Variants in ASCC3 observed in about 807,000 individuals in gnomAD.
The protein encoded by ASCC3 is activating signal cointegrator 1 complex subunit 3, also known as ASC-1 complex subunit P200.
A neutral mutation model predicts 256.3 loss-of-function variants in ASCC3; 158 were observed. That is an observed-to-expected ratio of 0.62 (90% CI 0.54 to 0.70). The LOEUF is 0.70. ASCC3 is among the 30% of genes least tolerant of loss of function. ASCC3 has a pLI of 0.00. For missense variants in ASCC3, 2,259 were observed against 2,626.0 expected (o/e 0.86, Z 3.05); for synonymous variants, 948 against 883.4 (o/e 1.07, Z -1.30).
chr6:100,608,109 T>TATATAC, intron 30 of ASCC3, among the ~76,000 whole-genome samples: 2 of 126,282 alleles, frequency 1.6e-5, no homozygotes, highest in East Asian at 4.5e-4. Flanking sequence ...CATATATATG[T>TATATAC]ATATATATCT....
At chr6:100,615,251 G>C (rs1248382518) in intron 30 of ASCC3, among the ~76,000 whole-genome samples, 1 of 152,068 alleles carries the variant, frequency 6.6e-6, no homozygotes, top group East Asian at 1.9e-4. Context: ...GGGATTACAG[G>C]CATGAGCCAC....
intron 14 of ASCC3, 110 bp from the exon 15 acceptor site, chr6:100,662,646 C>G (rs888065577): frequency 2.0e-6 from 2 of 986,116 alleles, no homozygotes; most frequent in Admixed American, 4.0e-5. Context: ...TTTTAAGCAT[C>G]TTAAGGTATT....
In ASCC3 at chr6:100,647,329, G is replaced by C. The variant is rs762570153; in HGVS notation, c.3375C>G (p.Ser1125Arg). 6.2e-7 allele frequency: 1 copy of C among 1,613,884 alleles called. No individual in the cohort carries two copies. The highest frequency in any genetic ancestry group is 8.5e-7 in the Non-Finnish European group (1 of 1,179,940). The change falls in exon 21 of 42, where the codon AGC (serine) becomes AGG (arginine). Residue 1125 changes from serine to arginine, a missense_variant. Physicochemically the swap from Ser to Arg is moderately radical, Grantham distance 110. Transcript: ENST00000369162. The part of the protein sequence containing the change: ...VIDKRLWGWA[S>R]PLRQFSILPP... ...GTAGGATTGAAAATTGTCTCAAAGGGCTAGCCCAACCCCAAAGCCTCTTGT... is the reference window on the plus strand; with the variant it reads ...GTAGGATTGAAAATTGTCTCAAAGGCCTAGCCCAACCCCAAAGCCTCTTGT...
intron 30 of ASCC3, among the ~76,000 whole-genome samples, chr6:100,608,983 C>T (rs1373435553): frequency 2.0e-5 from 3 of 149,688 alleles, no homozygotes; most frequent in African/African-American, 2.5e-5. Flanking sequence ...AGGATGGTCT[C>T]GATCTCCTGG....
chr6:100,683,417 G>GT (rs1171044359), intron 13 of ASCC3, among the ~76,000 whole-genome samples: 2 of 152,064 alleles, frequency 1.3e-5, no homozygotes, highest in Admixed American at 1.3e-4. Flanking sequence ...ACAATTTAAA[G>GT]TAACAATTTC....
At chr6:100,807,983 A>T (rs1444721161) in intron 4 of ASCC3, among the ~76,000 whole-genome samples, 1 of 151,898 alleles carries the variant, frequency 6.6e-6, no homozygotes, top group Non-Finnish European at 1.5e-5. Flanking sequence ...TCTGACAAAC[A>T]TTTTCTCAAA....
At chr6:100,708,109 C>T (rs1259938705) in intron 13 of ASCC3, among the ~76,000 whole-genome samples, 2 of 152,094 alleles carry the variant, frequency 1.3e-5, no homozygotes, top group Non-Finnish European at 2.9e-5. Flanking sequence ...GACCACAGTA[C>T]TTGGTAACAA....
At position 100,788,755 on chromosome 6, in the gene ASCC3, C is replaced by T. The variant is rs190020913; in HGVS notation, c.1395+9958G>A. On this transcript the variant is annotated intron_variant, in intron 8 of 41. Coordinates refer to ENST00000369162, the MANE Select transcript of ASCC3 (RefSeq NM_006828.4). The stretch of plus-strand genomic sequence containing the variant: ...ATACAAGTAACTTATATGACGTATA[C>T]ATAAGCATTACACAAGGAATTTTAT... 6.8e-4 allele frequency among the ~76,000 whole-genome samples: 104 copies of T among 151,954 alleles called. 1 individual carries two copies. The highest frequency in any genetic ancestry group is 2.3e-3 in the African/African-American group (97 of 41,462).
chr6:100,667,036 T>C (rs1266804179), intron 14 of ASCC3, among the ~76,000 whole-genome samples: 1 of 152,252 alleles, frequency 6.6e-6, no homozygotes, highest in Non-Finnish European at 1.5e-5. Flanking sequence ...GTGTTTATGA[T>C]AGAGGTACAG....
At chr6:100,726,572 A>T (rs1779638668) in intron 10 of ASCC3, among the ~76,000 whole-genome samples, 1 of 152,038 alleles carries the variant, frequency 6.6e-6, no homozygotes, top group Non-Finnish European at 1.5e-5. Context: ...CTAGATTCTG[A>T]AGCATTTTGG....
At chr6:100,594,121 G>A (rs1772152629) in intron 34 of ASCC3, among the ~76,000 whole-genome samples, 2 of 152,036 alleles carry the variant, frequency 1.3e-5, no homozygotes, top group South Asian at 2.1e-4. Context: ...GTGCTGTGGC[G>A]AGGACTTCAT....
intron 30 of ASCC3, among the ~76,000 whole-genome samples, chr6:100,608,078 A>ATG (rs1476765829): frequency 1.9e-5 from 2 of 103,846 alleles, no homozygotes; most frequent in Non-Finnish European, 3.7e-5. Context: ...ATACATATAT[A>ATG]TGTATATATA....
At chr6:100,537,753 T>C (rs1775233645) in intron 37 of ASCC3, among the ~76,000 whole-genome samples, 1 of 151,878 alleles carries the variant, frequency 6.6e-6, no homozygotes, top group South Asian at 2.1e-4. Context: ...GTATGCTGCT[T>C]TTCCAAATTA....
intron 37 of ASCC3, among the ~76,000 whole-genome samples, chr6:100,520,263 T>C (rs552859743): frequency 2.2e-4 from 33 of 152,154 alleles, no homozygotes; most frequent in African/African-American, 7.9e-4. Context: ...GTGTAGGGGA[T>C]AAAAAAACTG....
At chr6:100,519,482 T>C (rs184984445) in intron 37 of ASCC3, among the ~76,000 whole-genome samples, 5 of 152,248 alleles carry the variant, frequency 3.3e-5, no homozygotes, top group Non-Finnish European at 7.4e-5. Context: ...GATAATACAC[T>C]TTGTCTGTCT....
chr6:100,539,675 G>T (rs1237658480), intron 37 of ASCC3, among the ~76,000 whole-genome samples: 1 of 151,940 alleles, frequency 6.6e-6, no homozygotes, highest in South Asian at 2.1e-4. Context: ...TTAGTTAAAT[G>T]TTACCTTACC....
chr6:100,746,341 C>G (rs943142641), intron 10 of ASCC3, among the ~76,000 whole-genome samples: 6 of 151,738 alleles, frequency 4.0e-5, no homozygotes, highest in Non-Finnish European at 5.9e-5. Context: ...CTTGTAATAA[C>G]TTGTGACTAG....
chr6:100,642,688 G>A lies in ASCC3; in HGVS notation c.3794C>T (p.Ser1265Phe). 6.2e-7 allele frequency: 1 copy of A among 1,613,910 alleles called. No homozygotes were observed. ...AGACACTGCTCGGATGTAGTATTGGGAAGGCAAAGGCTCAAAAATAGGGAT... is the reference window on the plus strand; with the variant it reads ...AGACACTGCTCGGATGTAGTATTGGAAAGGCAAAGGCTCAAAAATAGGGAT... ...FTIPIFEPLP[S>F]QYYIRAVSDR... The change falls in exon 24 of 42, where the codon TCC becomes TTC. Residue 1265 changes from serine to phenylalanine, a missense_variant. Ser to Phe is a radical substitution (Grantham distance 155). Coordinates refer to ENST00000369162, the MANE Select transcript of ASCC3 (RefSeq NM_006828.4).
chr6:100,783,370 GT>G (rs1211932223), intron 8 of ASCC3, among the ~76,000 whole-genome samples: 1 of 152,112 alleles, frequency 6.6e-6, no homozygotes, highest in Admixed American at 6.6e-5. Flanking sequence ...CAGACCCGTG[GT>G]CTCATCTAAA....
Sources: gnomAD v4.1 joint callset for allele counts (sites outside exome capture counted in the v4.1 genomes callset) on GRCh38, gnomAD v4.1.1 for gene constraint, MANE v1.5 for transcripts, NCBI Gene and HGNC (gene_info 2026-07-23, HGNC 2026-07-21) for gene names.